Variants in MACROD2 observed in about 807,000 individuals in gnomAD.
MACROD2 encodes ADP-ribose glycohydrolase MACROD2.
A neutral mutation model predicts 70.4 loss-of-function variants in MACROD2; 36 were observed. That is an observed-to-expected ratio of 0.51 (90% confidence interval 0.39 to 0.68). MACROD2 has a LOEUF of 0.68. Ranked by LOEUF, MACROD2 falls within the 30% of genes least tolerant of loss-of-function variation. The probability of loss-of-function intolerance (pLI) is 0.00; values close to 1 mark genes in which losing one functional copy is unlikely to be tolerated. For synonymous variants in MACROD2, 172 were observed against 178.8 expected (o/e 0.96, Z 0.30); for missense variants, 496 against 538.4 (o/e 0.92, Z 0.78).
At position 14,998,486 on chromosome 20, in the gene MACROD2, G is replaced by T. The variant is rs1177543171; in HGVS notation, c.419-231454G>T. Reference sequence around the variant, plus strand: ...GGAAAAATTCAACCAATATACCAAAGAATTCACCAGAGTCTCTCAACAGCA... The same window carrying T: ...GGAAAAATTCAACCAATATACCAAATAATTCACCAGAGTCTCTCAACAGCA... On this transcript the variant is annotated intron_variant, in intron 5 of 17. Coordinates refer to ENST00000684519, the MANE Select transcript of MACROD2 (RefSeq NM_001351661.2). 3.9e-5 allele frequency among the ~76,000 whole-genome samples: 6 copies of T among 151,986 alleles called. No homozygotes were observed. In the East Asian group the frequency reaches 1.2e-3, roughly 29 times the overall value.
At chr20:14,336,460 A>G (rs2082938846) in intron 3 of MACROD2, among the ~76,000 whole-genome samples, 1 of 152,174 alleles carries the variant, frequency 6.6e-6, no homozygotes, top group African/African-American at 2.4e-5. Context: ...TAATTCAGTG[A>G]ACAAAATTTT....
intron 8 of MACROD2, among the ~76,000 whole-genome samples, chr20:15,604,573 T>C (rs1345163629): frequency 6.6e-6 from 1 of 152,160 alleles, no homozygotes; most frequent in African/African-American, 2.4e-5. Flanking sequence ...CCACAAATTG[T>C]CATCCATCTC....
intron 6 of MACROD2, among the ~76,000 whole-genome samples, chr20:15,413,510 G>T (rs570803741): frequency 6.6e-6 from 1 of 152,306 alleles, no homozygotes; most frequent in African/African-American, 2.4e-5. Flanking sequence ...GATAGTAGAG[G>T]AGGATGAAGG....
At chr20:14,066,743 G>A (rs1040123487) in intron 2 of MACROD2, among the ~76,000 whole-genome samples, 1 of 151,204 alleles carries the variant, frequency 6.6e-6, no homozygotes, top group Non-Finnish European at 1.5e-5. Flanking sequence ...GCTCTTAACC[G>A]ACAGGCTGAA....
At chr20:15,910,108 C>T (rs2065213552) in intron 10 of MACROD2, among the ~76,000 whole-genome samples, 1 of 152,118 alleles carries the variant, frequency 6.6e-6, no homozygotes, top group South Asian at 2.1e-4. Context: ...TTTCTCAAAA[C>T]CCCTGGTTCT....
chr20:15,885,743 T>A (rs201150054), intron 9 of MACROD2, 21 bp from the exon 10 acceptor site: 2 of 1,471,498 alleles, frequency 1.4e-6, no homozygotes, highest in Non-Finnish European at 1.8e-6. Context: ...TATTTCTTTA[T>A]GTTTTCCTAT....
chr20:15,504,521 A>G (rs1174787945), intron 8 of MACROD2, among the ~76,000 whole-genome samples: 1 of 152,220 alleles, frequency 6.6e-6, no homozygotes, highest in Non-Finnish European at 1.5e-5. Flanking sequence ...TGCTATGAGA[A>G]GATCAGATAG....
At chr20:14,963,324 T>C (rs1600879870) in intron 5 of MACROD2, among the ~76,000 whole-genome samples, 1 of 152,240 alleles carries the variant, frequency 6.6e-6, no homozygotes, top group East Asian at 1.9e-4. Context: ...TGTTTTGCCC[T>C]TCCCTCACAC....
chr20:15,153,675 C>T (rs555812715), intron 5 of MACROD2, among the ~76,000 whole-genome samples: 1 of 152,176 alleles, frequency 6.6e-6, no homozygotes, highest in East Asian at 1.9e-4. Context: ...CTGAATGATT[C>T]CAATTATGTG....
At chr20:15,185,482 T>A (rs1256994313) in intron 5 of MACROD2, among the ~76,000 whole-genome samples, 2 of 152,204 alleles carry the variant, frequency 1.3e-5, no homozygotes, top group Non-Finnish European at 2.9e-5. Flanking sequence ...ATCATTTATC[T>A]GGGCTAAAGT....
intron 15 of MACROD2, among the ~76,000 whole-genome samples, chr20:16,000,590 G>A (rs1240278574): frequency 6.6e-6 from 1 of 152,148 alleles, no homozygotes; most frequent in Admixed American, 6.5e-5. Flanking sequence ...AATAGTTTAA[G>A]TTTCCTTTAA....
At chr20:14,547,791 C>T (rs1033739819) in intron 4 of MACROD2, among the ~76,000 whole-genome samples, 4 of 152,168 alleles carry the variant, frequency 2.6e-5, no homozygotes, top group African/African-American at 9.7e-5. Context: ...CCTGAGGTCA[C>T]TCATACAGTT....
chr20:14,271,578 A>T (rs2082196421), intron 3 of MACROD2, among the ~76,000 whole-genome samples: 1 of 152,204 alleles, frequency 6.6e-6, no homozygotes, highest in African/African-American at 2.4e-5. Flanking sequence ...ACTCTAAAAA[A>T]CAGAGCGCCT....
intron 8 of MACROD2, among the ~76,000 whole-genome samples, chr20:15,647,271 C>A (rs2049562464): frequency 6.6e-6 from 1 of 152,092 alleles, no homozygotes; most frequent in Non-Finnish European, 1.5e-5. Context: ...GAGAAATTAC[C>A]TAGATAGACT....
intron 3 of MACROD2, among the ~76,000 whole-genome samples, chr20:14,242,939 A>AACCTCTTCCCATCTTGTTTTC (rs1469181692): frequency 1.3e-5 from 2 of 152,228 alleles, no homozygotes; most frequent in African/African-American, 4.8e-5. Context: ...ACGTAAAAGT[A>AACCTCTTCCCATCTTGTTTTC]ACCTCTTCCC....
chr20:14,560,338 CAG>C (rs1491032600), intron 4 of MACROD2, among the ~76,000 whole-genome samples: 4 of 150,766 alleles, frequency 2.7e-5, no homozygotes, highest in African/African-American at 9.8e-5. Flanking sequence ...CACACACACA[CAG>C]GTGCACGCAT....
intron 3 of MACROD2, among the ~76,000 whole-genome samples, chr20:14,490,501 T>C (rs2084782431): frequency 6.6e-6 from 1 of 152,182 alleles, no homozygotes. Context: ...AACTTGATTT[T>C]TTCCTTCCCT....
intron 8 of MACROD2, among the ~76,000 whole-genome samples, chr20:15,530,342 G>T (rs569046350): frequency 1.3e-5 from 2 of 152,142 alleles, no homozygotes; most frequent in East Asian, 1.9e-4. Flanking sequence ...GTTTTCAAGG[G>T]TTTCTTTAGG....
At chr20:14,271,641 G>A (rs2082197191) in intron 3 of MACROD2, among the ~76,000 whole-genome samples, 1 of 152,220 alleles carries the variant, frequency 6.6e-6, no homozygotes, top group South Asian at 2.1e-4. Context: ...AAAGCTGAAT[G>A]GAGAATGACT....
Sources: gnomAD v4.1 joint callset for allele counts (sites outside exome capture counted in the v4.1 genomes callset) on GRCh38, gnomAD v4.1.1 for gene constraint, MANE v1.5 for transcripts, NCBI Gene and HGNC (gene_info 2026-07-23, HGNC 2026-07-21) for gene names.